The following SMOC1 variants were observed in gnomAD, a reference collection of about 807,000 sequenced individuals.
SMOC1 encodes the protein SPARC-related modular calcium-binding protein 1.
In SMOC1, 22 loss-of-function variants were observed where a neutral mutation model predicts 56.3. The ratio of observed to expected loss-of-function variants is 0.39; its 90% CI spans 0.28 to 0.56. The LOEUF is 0.56. Ranked by LOEUF, SMOC1 falls within the 20% of genes least tolerant of loss-of-function variation. SMOC1 has a pLI of 0.61. For synonymous variants in SMOC1, 193 were observed against 215.0 expected, an observed-to-expected ratio of 0.90 and a Z score of 0.89; for missense variants, 509 against 565.4, an observed-to-expected ratio of 0.90 and a Z score of 1.01.
At chr14:69,980,309 C>T (rs191366902) in intron 5 of SMOC1, among the ~76,000 whole-genome samples, 10 of 152,280 alleles carry the variant, frequency 6.6e-5, no homozygotes, top group Admixed American at 4.6e-4. Context: ...CTCCCTTGCC[C>T]TCGATGGGTC....
chr14:69,989,402 A>G (rs1325454948), intron 5 of SMOC1, among the ~76,000 whole-genome samples: 4 of 152,242 alleles, frequency 2.6e-5, no homozygotes. Context: ...TTGAGTTGTA[A>G]GGTTTACCTT....
intron 1 of SMOC1, among the ~76,000 whole-genome samples, chr14:69,942,439 C>T (rs772973046): frequency 9.2e-5 from 14 of 152,082 alleles, no homozygotes; most frequent in Non-Finnish European, 1.6e-4. Context: ...TTGTAATTTG[C>T]GTGGAGTACA....
chr14:70,012,732 G>A (rs1474193762), intron 9 of SMOC1, among the ~76,000 whole-genome samples: 1 of 152,178 alleles, frequency 6.6e-6, no homozygotes, highest in East Asian at 1.9e-4. Flanking sequence ...CCAGCTACGT[G>A]GTGTAGACAT....
chr14:70,026,740 T>C (rs1198804511), intron 11 of SMOC1, among the ~76,000 whole-genome samples: 1 of 152,188 alleles, frequency 6.6e-6, no homozygotes, highest in Non-Finnish European at 1.5e-5. Flanking sequence ...TCTCTGAATG[T>C]ATATACACAT....
chr14:69,955,177 C>G (rs947822267), intron 3 of SMOC1, among the ~76,000 whole-genome samples: 1 of 152,128 alleles, frequency 6.6e-6, no homozygotes, highest in Non-Finnish European at 1.5e-5. Context: ...GGGGTTCAGA[C>G]TCACAAATCC....
intron 10 of SMOC1, among the ~76,000 whole-genome samples, chr14:70,021,834 A>G (rs992555228): frequency 1.3e-5 from 2 of 152,126 alleles, no homozygotes; most frequent in Non-Finnish European, 2.9e-5. Flanking sequence ...TCCCTTCTGG[A>G]AAACTCAGCA....
intron 7 of SMOC1, among the ~76,000 whole-genome samples, chr14:70,006,802 C>T (rs1374381887): frequency 6.6e-6 from 1 of 152,180 alleles, no homozygotes; most frequent in Non-Finnish European, 1.5e-5. Context: ...GAGCTGCTCC[C>T]CTTTCCTCAC....
At chr14:69,879,958 C>A (rs1883590460) in intron 1 of SMOC1, among the ~76,000 whole-genome samples, 181 bp downstream of exon 1, 1 of 152,180 alleles carries the variant, frequency 6.6e-6, no homozygotes. Flanking sequence ...CCATTGGAGC[C>A]ACCACCACTC....
chr14:69,979,093 C>T (rs572698323), intron 5 of SMOC1, among the ~76,000 whole-genome samples: 1 of 152,050 alleles, frequency 6.6e-6, no homozygotes, highest in Non-Finnish European at 1.5e-5. Context: ...TCATCAGGGC[C>T]CACGTGGAGC....
intron 1 of SMOC1, among the ~76,000 whole-genome samples, chr14:69,939,530 T>C (rs1254154831): frequency 6.6e-6 from 1 of 152,208 alleles, no homozygotes; most frequent in African/African-American, 2.4e-5. Context: ...TCCAGTGTCA[T>C]CTTTATGGAA....
chr14:69,968,774 A>T (rs1594829518), intron 3 of SMOC1, among the ~76,000 whole-genome samples: 1 of 152,260 alleles, frequency 6.6e-6, no homozygotes, highest in African/African-American at 2.4e-5. Context: ...GGAAATGTTC[A>T]TATACATGAC....
chr14:69,903,245 T>G (rs1884303188), intron 1 of SMOC1, among the ~76,000 whole-genome samples: 1 of 150,656 alleles, frequency 6.6e-6, no homozygotes, highest in Non-Finnish European at 1.5e-5. Flanking sequence ...GTCTGGGATG[T>G]GAGGAGCGCC....
chr14:69,935,525 C>T (rs903559794), intron 1 of SMOC1, among the ~76,000 whole-genome samples: 6 of 152,188 alleles, frequency 3.9e-5, no homozygotes, highest in African/African-American at 2.4e-5. Context: ...GCCTCCCGAG[C>T]CCCTCTTCCA....
intron 5 of SMOC1, among the ~76,000 whole-genome samples, chr14:69,985,818 C>T (rs1171618228): frequency 5.3e-5 from 8 of 152,228 alleles, no homozygotes; most frequent in South Asian, 4.2e-4. Context: ...GAGAGATAGA[C>T]AATATTCATA....
At chr14:69,998,963 T>G (rs2139559380) in intron 7 of SMOC1, among the ~76,000 whole-genome samples, 1 of 152,286 alleles carries the variant, frequency 6.6e-6, no homozygotes, top group South Asian at 2.1e-4. Context: ...CTCCCTTGCC[T>G]CTTAGACCCA....
chr14:69,921,656 G>A (rs537117093), intron 1 of SMOC1, among the ~76,000 whole-genome samples: 8 of 152,296 alleles, frequency 5.3e-5, no homozygotes, highest in Middle Eastern at 3.4e-3. Context: ...TAAACCTTAG[G>A]AGAATCTTAT....
intron 1 of SMOC1, among the ~76,000 whole-genome samples, chr14:69,914,607 C>T (rs916966136): frequency 4.4e-5 from 6 of 137,736 alleles, no homozygotes; most frequent in Admixed American, 4.3e-4. Context: ...CAAACAAACA[C>T]AAAGCTGCCT....
At chr14:69,964,202 G>A (rs1301707110) in intron 3 of SMOC1, among the ~76,000 whole-genome samples, 2 of 151,968 alleles carry the variant, frequency 1.3e-5, no homozygotes, top group African/African-American at 2.4e-5. Context: ...CCTACAATTT[G>A]TCTATTGTGG....
intron 1 of SMOC1, among the ~76,000 whole-genome samples, chr14:69,907,785 C>CCAA (rs1884449598): frequency 6.6e-6 from 1 of 152,124 alleles, no homozygotes. Flanking sequence ...GATCAAGGTG[C>CCAA]CAACAAGTGT....
Sources: allele counts gnomAD v4.1 joint callset (sites outside exome capture counted in the v4.1 genomes callset), GRCh38; gene constraint gnomAD v4.1.1; transcripts MANE v1.5; gene names NCBI Gene and HGNC (gene_info 2026-07-23, HGNC 2026-07-21).